Variants in KIF16B observed in about 807,000 individuals in gnomAD.
KIF16B encodes kinesin-like protein KIF16B.
Under a neutral mutation model 156.3 loss-of-function variants are expected in KIF16B, and 98 were observed. The observed-to-expected ratio is 0.63, with a 90% CI of 0.53 to 0.74. The LOEUF (loss-of-function observed/expected upper bound fraction) is 0.74. KIF16B is among the 30% of genes least tolerant of loss of function. The pLI is 0.00. For missense variants in KIF16B, 1,421 were observed against 1,606.5 expected, an observed-to-expected ratio of 0.88 and a Z score of 1.97; for synonymous variants, 564 against 583.7, an observed-to-expected ratio of 0.97 and a Z score of 0.49.
chr20:16,339,761 G>C (rs1402949497), intron 23 of KIF16B, among the ~76,000 whole-genome samples: 5 of 152,120 alleles, frequency 3.3e-5, no homozygotes, highest in African/African-American at 1.2e-4. Flanking sequence ...CAGTCAGTCG[G>C]TGAATCCCTT....
Position 16,504,463 on chromosome 20 carries a change from G to C in KIF16B, c.1085C>G (p.Pro362Arg). The change falls in exon 10 of 26, where the codon CCT becomes CGT. Residue 362 changes from proline (P) to arginine (R), a missense_variant. By Grantham distance (103) the Pro-to-Arg change is moderately radical (BLOSUM62 -2). Coordinates refer to ENST00000354981, the MANE Select transcript of KIF16B (RefSeq NM_024704.5). ...ANRAKNIINK[P>R]TINEDANVKL... Reference sequence around the variant, plus strand: ...GACGTTGGCATCCTCATTAATGGTAGGCTTGTTGATGATGTTTTTGGCTCT... The same window carrying C: ...GACGTTGGCATCCTCATTAATGGTACGCTTGTTGATGATGTTTTTGGCTCT... 1 of 1,614,104 alleles carries C rather than the reference G, an allele frequency of 6.2e-7. No homozygotes were observed. Among genetic ancestry groups the C allele is most frequent in the Non-Finnish European group, 8.5e-7 (1 of 1,179,978 alleles).
chr20:16,487,263 G>C (rs899586619), intron 12 of KIF16B, among the ~76,000 whole-genome samples: 1 of 148,594 alleles, frequency 6.7e-6, no homozygotes, highest in Non-Finnish European at 1.5e-5. Flanking sequence ...AAAAAAAAAA[G>C]ATTAACTGCA....
At position 16,371,374 on chromosome 20, in the gene KIF16B, G is replaced by A. The variant is rs138001314; in HGVS notation, c.3447+291C>T. On this transcript the variant is annotated intron_variant, in intron 21 of 25. Transcript: ENST00000354981. The stretch of plus-strand genomic sequence containing the variant: ...AGCCGAGATGGGCAGATCACTTGAG[G>A]TCAGGAGTTTGAGACAAGCCTGGCT... Among the ~76,000 whole-genome samples, 1,008 of 152,228 alleles carry A rather than the reference G, an allele frequency of 6.6e-3. 15 individuals are homozygous for A. The highest frequency in any genetic ancestry group is 0.023 in the African/African-American group (965 of 41,522).
intron 7 of KIF16B, among the ~76,000 whole-genome samples, chr20:16,507,135 A>C (rs2068807393): frequency 6.6e-6 from 1 of 151,958 alleles, no homozygotes; most frequent in African/African-American, 2.4e-5. Flanking sequence ...GTAATATGCT[A>C]ATCAAGCACT....
intron 12 of KIF16B, among the ~76,000 whole-genome samples, chr20:16,457,131 C>T (rs531677799): frequency 6.6e-6 from 1 of 152,094 alleles, no homozygotes; most frequent in East Asian, 1.9e-4. Context: ...GATAAACAAA[C>T]AACACTTCAT....
chr20:16,337,381 C>T (rs1029931500), intron 23 of KIF16B, among the ~76,000 whole-genome samples: 5 of 152,108 alleles, frequency 3.3e-5, no homozygotes, highest in Admixed American at 6.6e-5. Context: ...TTCTTTCATT[C>T]GCTCACTTCC....
chr20:16,426,462 T>C (rs1186658150), intron 15 of KIF16B, among the ~76,000 whole-genome samples: 1 of 152,072 alleles, frequency 6.6e-6, no homozygotes, highest in Non-Finnish European at 1.5e-5. Flanking sequence ...TAGAACTAAA[T>C]ATGGGACCCA....
chr20:16,499,571 T>C (rs1020528431), intron 10 of KIF16B, among the ~76,000 whole-genome samples: 4 of 152,248 alleles, frequency 2.6e-5, no homozygotes, highest in African/African-American at 7.2e-5. Flanking sequence ...ATTGAAGACA[T>C]GAAAGTGGCA....
intron 12 of KIF16B, 46 bp downstream of exon 12, chr20:16,494,245 G>T (rs763760458): frequency 1.5e-5 from 17 of 1,140,612 alleles, no homozygotes; most frequent in Non-Finnish European, 1.7e-5. Flanking sequence ...AGTTTTACCA[G>T]TTTAATCCAC....
At chr20:16,289,635 C>T (rs866231944) in intron 25 of KIF16B, among the ~76,000 whole-genome samples, 8 of 151,896 alleles carry the variant, frequency 5.3e-5, no homozygotes, top group Non-Finnish European at 7.4e-5. Context: ...GGACGGATCA[C>T]GAGGTCAGGA....
chr20:16,433,129 CAT>C (rs549654481), intron 12 of KIF16B, among the ~76,000 whole-genome samples: 10 of 152,238 alleles, frequency 6.6e-5, no homozygotes, highest in African/African-American at 2.2e-4. Context: ...TTTTTAAAGA[CAT>C]ATATTACAGG....
chr20:16,423,216 A>C (rs886490089), intron 15 of KIF16B, among the ~76,000 whole-genome samples: 4 of 152,150 alleles, frequency 2.6e-5, no homozygotes, highest in Admixed American at 1.3e-4. Context: ...TGTATTAAAC[A>C]AATATTTCAA....
In KIF16B at chr20:16,335,970, G is replaced by A. The variant is rs916333312; in HGVS notation, c.3667C>T (p.Arg1223Cys). Residue 1223 changes from arginine to cysteine, a missense_variant, in exon 24 of 26, where the codon CGT becomes TGT. Arg to Cys is a radical substitution (Grantham distance 180). Coordinates refer to ENST00000354981, the MANE Select transcript of KIF16B (RefSeq NM_024704.5). ...ETWTVFRRYS[R>C]FREMHKTLKL... ...AATGTTTTATGCATTTCTCGAAAAC[G>A]ACTGTAACGCCTGAATACAGTCCAT... is the stretch of plus-strand genomic sequence containing the variant. 4 of 1,609,830 alleles carry A rather than the reference G, an allele frequency of 2.5e-6. No homozygotes were observed. The highest frequency in any genetic ancestry group is 4.5e-5 in the East Asian group (2 of 44,752).
chr20:16,527,199 G>A (rs556985054), intron 2 of KIF16B, among the ~76,000 whole-genome samples: 7 of 152,370 alleles, frequency 4.6e-5, no homozygotes, highest in African/African-American at 1.7e-4. Flanking sequence ...GTGCAGGCCA[G>A]ATAGAGCTGG....
chr20:16,530,594 C>A (rs2069712030), intron 1 of KIF16B, among the ~76,000 whole-genome samples: 1 of 152,208 alleles, frequency 6.6e-6, no homozygotes, highest in Non-Finnish European at 1.5e-5. Context: ...CGTCTGGCAC[C>A]CTGACTGCAG....
chr20:16,433,562 A>T (rs2146469278), intron 12 of KIF16B, among the ~76,000 whole-genome samples: 1 of 149,320 alleles, frequency 6.7e-6, no homozygotes, highest in East Asian at 2.0e-4. Flanking sequence ...ACTTGTTCCC[A>T]CCCATCCCCA....
intron 10 of KIF16B, among the ~76,000 whole-genome samples, chr20:16,503,032 C>T (rs1195802360): frequency 6.6e-6 from 1 of 152,026 alleles, no homozygotes; most frequent in Non-Finnish European, 1.5e-5. Context: ...CTGGTCACGT[C>T]GTGAAACCCC....
At chr20:16,531,924 C>T (rs904204565) in intron 1 of KIF16B, among the ~76,000 whole-genome samples, 33 of 151,886 alleles carry the variant, frequency 2.2e-4, no homozygotes, top group African/African-American at 7.5e-4. Context: ...AAAAAATAGC[C>T]GGGTGTGGTG....
At chr20:16,464,206 A>T (rs1383085442) in intron 12 of KIF16B, among the ~76,000 whole-genome samples, 1 of 152,242 alleles carries the variant, frequency 6.6e-6, no homozygotes, top group Non-Finnish European at 1.5e-5. Flanking sequence ...AAAAATAATT[A>T]GAGCCTCACC....
Sources: allele counts gnomAD v4.1 joint callset (sites outside exome capture counted in the v4.1 genomes callset), GRCh38; gene constraint gnomAD v4.1.1; transcripts MANE v1.5; gene names NCBI Gene and HGNC (gene_info 2026-07-23, HGNC 2026-07-21).